Variants in CSNK2A2IP observed in about 807,000 individuals in gnomAD.
CSNK2A2IP encodes casein kinase II subunit alpha'-interacting protein.
At chr3:88,347,783 T>A in the CSNK2A2IP span, among the ~76,000 whole-genome samples, 4 of 152,022 alleles carry the variant, frequency 2.6e-5, no homozygotes, top group African/African-American at 9.7e-5. Context: ...CAAGATGATT[T>A]ACTGTTTTGT....
the CSNK2A2IP span, among the ~76,000 whole-genome samples, chr3:88,384,835 A>C: frequency 6.6e-6 from 1 of 152,178 alleles, no homozygotes; most frequent in Non-Finnish European, 1.5e-5. Flanking sequence ...GGTAGAATTG[A>C]AACAGCAGCA....
At chr3:88,451,152 GTGA>G in the CSNK2A2IP span, among the ~76,000 whole-genome samples, 2 of 152,056 alleles carry the variant, frequency 1.3e-5, no homozygotes, top group Non-Finnish European at 2.9e-5. Flanking sequence ...AGTGTGCAGT[GTGA>G]TGTTTTGATG....
the CSNK2A2IP span, chr3:88,466,921 A>G: frequency 8.1e-7 from 1 of 1,231,154 alleles, no homozygotes; most frequent in African/African-American, 1.6e-5. Flanking sequence ...ATTAGTTCTT[A>G]TCCTTTCTCT....
chr3:88,412,839 A>C, the CSNK2A2IP span, among the ~76,000 whole-genome samples: 7 of 152,046 alleles, frequency 4.6e-5, no homozygotes, highest in Non-Finnish European at 5.9e-5. Context: ...ATCTAAATAT[A>C]GAAAAGATAC....
the CSNK2A2IP span, among the ~76,000 whole-genome samples, chr3:88,346,802 C>CAA: frequency 6.6e-6 from 1 of 151,180 alleles, no homozygotes; most frequent in Non-Finnish European, 1.5e-5. Flanking sequence ...AACATCCATT[C>CAA]TGCAGCACAT....
chr3:88,401,186 CAA>C, the CSNK2A2IP span, among the ~76,000 whole-genome samples: 1 of 151,974 alleles, frequency 6.6e-6, no homozygotes. Context: ...ACATAATTCA[CAA>C]AAGTCAAATA....
the CSNK2A2IP span, among the ~76,000 whole-genome samples, chr3:88,452,964 A>G: frequency 6.6e-6 from 1 of 152,104 alleles, no homozygotes; most frequent in Admixed American, 6.6e-5. Context: ...GGTTTGGAGA[A>G]GGTAGTCTTA....
At chr3:88,433,624 T>C in the CSNK2A2IP span, among the ~76,000 whole-genome samples, 1 of 152,206 alleles carries the variant, frequency 6.6e-6, no homozygotes. Flanking sequence ...AATAAATTTA[T>C]TGATTTCTGA....
the CSNK2A2IP span, among the ~76,000 whole-genome samples, chr3:88,363,132 G>A: frequency 6.6e-6 from 1 of 152,130 alleles, no homozygotes; most frequent in Non-Finnish European, 1.5e-5. Context: ...ACTGCCTGCA[G>A]AGTGGGGATG....
At chr3:88,426,346 G>T in the CSNK2A2IP span, among the ~76,000 whole-genome samples, 1 of 152,170 alleles carries the variant, frequency 6.6e-6, no homozygotes, top group Non-Finnish European at 1.5e-5. Context: ...ATAGCCTTTG[G>T]AGTTAATATG....
At chr3:88,381,139 G>T in the CSNK2A2IP span, among the ~76,000 whole-genome samples, 3 of 152,128 alleles carry the variant, frequency 2.0e-5, no homozygotes, top group Non-Finnish European at 4.4e-5. Context: ...GCTGGGATCT[G>T]GTCCTCGTCC....
chr3:88,354,870 A>T, the CSNK2A2IP span, among the ~76,000 whole-genome samples: 1 of 152,136 alleles, frequency 6.6e-6, no homozygotes, highest in African/African-American at 2.4e-5. Context: ...TCACAAAGAG[A>T]GATCTCTTGA....
At chr3:88,438,518 G>C in the CSNK2A2IP span, among the ~76,000 whole-genome samples, 1 of 152,028 alleles carries the variant, frequency 6.6e-6, no homozygotes, top group Admixed American at 6.6e-5. Context: ...AAAATTTTCT[G>C]ACCTACCTTG....
chr3:88,457,487 G>A, the CSNK2A2IP span, among the ~76,000 whole-genome samples: 1 of 151,928 alleles, frequency 6.6e-6, no homozygotes, highest in African/African-American at 2.4e-5. Context: ...CCTGAGGTCA[G>A]GCATTTGAGA....
chr3:88,366,333 G>A, the CSNK2A2IP span, among the ~76,000 whole-genome samples: 1 of 152,098 alleles, frequency 6.6e-6, no homozygotes, highest in Non-Finnish European at 1.5e-5. Flanking sequence ...TTGTATATGG[G>A]TATCTTGTTG....
the CSNK2A2IP span, among the ~76,000 whole-genome samples, chr3:88,360,130 A>G: frequency 7.0e-6 from 1 of 143,214 alleles, no homozygotes; most frequent in African/African-American, 2.5e-5. Context: ...CTTTTTAAAG[A>G]GTTTTTGTCT....
the CSNK2A2IP span, among the ~76,000 whole-genome samples, chr3:88,408,041 T>C: frequency 6.6e-6 from 1 of 152,184 alleles, no homozygotes; most frequent in Non-Finnish European, 1.5e-5. Context: ...TTTATTTTTA[T>C]ATGTAATAAA....
chr3:88,351,083 G>A, the CSNK2A2IP span, among the ~76,000 whole-genome samples: 1 of 152,152 alleles, frequency 6.6e-6, no homozygotes, highest in Admixed American at 6.6e-5. Context: ...AATTAGAAAC[G>A]AGGCAAGGAC....
chr3:88,439,120 C>A, the CSNK2A2IP span, among the ~76,000 whole-genome samples: 1 of 152,184 alleles, frequency 6.6e-6, no homozygotes, highest in Non-Finnish European at 1.5e-5. Flanking sequence ...TCTGTCTCCA[C>A]CCTCTACCTT....
Sources: gnomAD v4.1 joint callset for allele counts (sites outside exome capture counted in the v4.1 genomes callset) on GRCh38, gnomAD v4.1.1 for gene constraint, MANE v1.5 for transcripts, NCBI Gene and HGNC (gene_info 2026-07-23, HGNC 2026-07-21) for gene names.